The following NOL9 variants were observed in gnomAD, a reference collection of about 807,000 sequenced individuals.
The protein encoded by NOL9 is polynucleotide 5'-hydroxyl-kinase NOL9.
NOL9 carries 28 observed loss-of-function variants against 67.9 expected under a neutral mutation model. That is an observed-to-expected ratio of 0.41 (90% CI 0.31 to 0.57). NOL9 has a LOEUF of 0.57. NOL9 is among the 20% of genes least tolerant of loss of function. The pLI is 0.25. For missense variants in NOL9, 777 were observed against 897.0 expected, an observed-to-expected ratio of 0.87 and a Z score of 1.71; for synonymous variants, 356 against 352.2, an observed-to-expected ratio of 1.01 and a Z score of -0.12.
rs754435403 is a variant in NOL9, at chr1:6,543,795, G to C, written c.977+1031C>G. ...GTTCAAGACCAGCCTGGGCAACATG[G>C]CAAGATCCTCTGTCTACAAAAGCAA... On this transcript the variant is annotated intron_variant, in intron 5 of 11. Transcript: ENST00000377705. Among the ~76,000 whole-genome samples the C allele has an allele frequency of 6.5e-4, 99 of 152,066 alleles. 3 individuals carry two copies. The highest frequency in any genetic ancestry group is 2.6e-4 in the Non-Finnish European group (18 of 68,004).
chr1:6,537,720 A>C (rs1639185577), intron 6 of NOL9, among the ~76,000 whole-genome samples: 1 of 152,206 alleles, frequency 6.6e-6, no homozygotes, highest in African/African-American at 2.4e-5. Flanking sequence ...TCTTTTCAAC[A>C]AATGGTGGTG....
intron 6 of NOL9, among the ~76,000 whole-genome samples, chr1:6,537,673 A>T (rs1287180612): frequency 6.6e-6 from 1 of 152,216 alleles, no homozygotes; most frequent in Admixed American, 6.6e-5. Context: ...CCAGGAAATA[A>T]GCCCATACAT....
chr1:6,538,250 A>G (rs1639199651), intron 6 of NOL9, among the ~76,000 whole-genome samples: 1 of 152,134 alleles, frequency 6.6e-6, no homozygotes. Flanking sequence ...TCAAGAAAGC[A>G]AAAAAACAAC....
intron 6 of NOL9, among the ~76,000 whole-genome samples, chr1:6,540,316 G>A (rs1216878655): frequency 3.3e-5 from 5 of 151,588 alleles, no homozygotes; most frequent in Non-Finnish European, 7.4e-5. Flanking sequence ...TAGAGACGGG[G>A]TTTCACCATG....
intron 3 of NOL9, among the ~76,000 whole-genome samples, chr1:6,546,558 C>T (rs1639425375): frequency 6.6e-6 from 1 of 152,162 alleles, no homozygotes; most frequent in Non-Finnish European, 1.5e-5. Flanking sequence ...CTTCTACTTC[C>T]TCTGGCCCTC....
intron 6 of NOL9, among the ~76,000 whole-genome samples, chr1:6,539,862 G>A (rs535881201): frequency 8.5e-5 from 13 of 152,326 alleles, no homozygotes; most frequent in Admixed American, 8.5e-4. Flanking sequence ...CCAGACAAAG[G>A]ATAAGTATTG....
At chr1:6,539,154 T>C (rs1461234305) in intron 6 of NOL9, among the ~76,000 whole-genome samples, 1 of 152,156 alleles carries the variant, frequency 6.6e-6, no homozygotes, top group Non-Finnish European at 1.5e-5. Context: ...ATAATCAAAA[T>C]AAGCATTGGT....
chr1:6,549,268 C>A, intron 3 of NOL9: 1 of 188,508 alleles, frequency 5.3e-6, no homozygotes, highest in East Asian at 1.5e-4. Flanking sequence ...AAAAAACGAA[C>A]CAACCAACCA....
At chr1:6,532,357 G>A in intron 8 of NOL9, 106 bp downstream of exon 8, 1 of 1,048,434 alleles carries the variant, frequency 9.5e-7, no homozygotes, top group Admixed American at 2.4e-5. Context: ...AGCTGTGACA[G>A]GGACCTGAAG....
chr1:6,544,648 G>C (rs1169969203), intron 5 of NOL9, among the ~76,000 whole-genome samples, 178 bp downstream of exon 5: 1 of 145,598 alleles, frequency 6.9e-6, no homozygotes, highest in South Asian at 2.1e-4. Context: ...GCCTACGCTA[G>C]AGCATTGTCA....
chr1:6,541,197 G>A (rs751765850), intron 6 of NOL9, among the ~76,000 whole-genome samples: 2 of 151,670 alleles, frequency 1.3e-5, no homozygotes, highest in Non-Finnish European at 2.9e-5. Context: ...TGTTTTTTTG[G>A]GTTTTGAGAT....
chr1:6,544,748 CA>C, intron 5 of NOL9, 77 bp downstream of exon 5: 1 of 1,440,268 alleles, frequency 6.9e-7, no homozygotes, highest in Non-Finnish European at 9.7e-7. Context: ...AGCCAAGAAG[CA>C]TTCCCTCCAA....
Position 6,549,677 on chromosome 1 carries a change from T to C in NOL9, c.638A>G (p.Gln213Arg), listed in dbSNP as rs1417670497. Reference protein sequence around the residue: ...LNLDDRRWSMQNFSPQCSIVL... With the variant: ...LNLDDRRWSMRNFSPQCSIVL... ...AATGGAACACTGAGGAGAAAAATTC[T>C]GCATCGACCAACGCCTGTCATCTGT... Residue 213 changes from glutamine (Q) to arginine (R), a missense_variant, in exon 3 of 12, where the codon CAG (glutamine) becomes CGG (arginine). By Grantham distance (43) the Gln-to-Arg change is conservative. Transcript: ENST00000377705. The C allele has an allele frequency of 6.2e-7, 1 of 1,614,148 alleles. No individual in the cohort carries two copies. Among genetic ancestry groups the C allele is most frequent in the Non-Finnish European group, 8.5e-7 (1 of 1,180,004 alleles).
Position 6,521,544 on chromosome 1 carries a change from T to C in NOL9, c.*4310A>G, listed in dbSNP as rs1638771503. On this transcript the variant is annotated 3_prime_UTR_variant, in exon 12 of 12. Transcript: ENST00000377705. ...ACATGTGTAAGCTGCTTATAAAATT[T>C]TAAAAGCAACAAGTGGGGGTTTATG... is the stretch of plus-strand genomic sequence containing the variant. The C allele has an allele frequency of 6.6e-6, 1 of 152,160 alleles. No homozygotes were observed. The highest frequency in any genetic ancestry group is 2.1e-4 in the South Asian group (1 of 4,834). 9.4% of individuals were successfully genotyped at this position (152,160 alleles called of 1,614,324 possible). A position where few individuals can be genotyped will look rare whatever the true frequency, so the allele number is the denominator to read the frequency against.
At chr1:6,538,442 C>T (rs1639203592) in intron 6 of NOL9, among the ~76,000 whole-genome samples, 1 of 152,170 alleles carries the variant, frequency 6.6e-6, no homozygotes, top group Non-Finnish European at 1.5e-5. Context: ...GGAGGCCAAG[C>T]AGGTGGATCA....
chr1:6,542,155 T>C (rs1220956686), intron 5 of NOL9, among the ~76,000 whole-genome samples: 1 of 91,310 alleles, frequency 1.1e-5, no homozygotes, highest in Non-Finnish European at 2.2e-5. Context: ...AACAACTTGC[T>C]CTTTCAGATT....
intron 5 of NOL9, among the ~76,000 whole-genome samples, chr1:6,544,212 C>A (rs1486428295): frequency 1.3e-5 from 2 of 151,606 alleles, no homozygotes; most frequent in African/African-American, 4.8e-5. Flanking sequence ...GAACCCAGGA[C>A]GTCAAGGCTG....
rs989270140 is a variant in NOL9 at position 6,523,348 on chromosome 1, G to C, written c.*2506C>G. ...TAATCCCAACACTTTGGGAGGCCAA[G>C]GCAGGTGGATCACCTGAGGACAGGA... is the stretch of plus-strand genomic sequence containing the variant. On this transcript the variant is annotated 3_prime_UTR_variant, in exon 12 of 12. Coordinates refer to ENST00000377705, the MANE Select transcript of NOL9 (RefSeq NM_024654.5). 6.6e-6 allele frequency: 1 copy of C among 151,980 alleles called. No homozygotes were observed. Among genetic ancestry groups the C allele is most frequent in the African/African-American group, 2.4e-5 (1 of 41,342 alleles). The allele number at this position is 151,980 out of a possible 1,614,324, so 9.4% of individuals were successfully genotyped here.
intron 1 of NOL9, among the ~76,000 whole-genome samples, chr1:6,551,848 G>A (rs975485547): frequency 8.6e-5 from 13 of 152,036 alleles, no homozygotes; most frequent in African/African-American, 2.4e-4. Context: ...AGGCTAACAC[G>A]GTGAAACCCC....
Sources: gnomAD v4.1 joint callset for allele counts (sites outside exome capture counted in the v4.1 genomes callset) on GRCh38, gnomAD v4.1.1 for gene constraint, MANE v1.5 for transcripts, NCBI Gene and HGNC (gene_info 2026-07-23, HGNC 2026-07-21) for gene names.